ARID5B: variants seen among roughly 807,000 people sequenced by gnomAD.
ARID5B encodes AT-rich interactive domain-containing protein 5B.
ARID5B carries 13 observed loss-of-function variants against 97.2 expected under a neutral mutation model. The observed-to-expected ratio is 0.13, with a 90% CI of 0.09 to 0.21. The LOEUF is 0.21. Ranked by LOEUF, ARID5B falls within the 10% of genes least tolerant of loss-of-function variation. ARID5B has a pLI of 1.00. For synonymous variants in ARID5B, 556 were observed against 570.3 expected, an observed-to-expected ratio of 0.97 and a Z score of 0.36; for missense variants, 1,210 against 1,465.3, an observed-to-expected ratio of 0.83 and a Z score of 2.84.
At chr10:61,925,966 C>T (rs1189771039) in intron 2 of ARID5B, among the ~76,000 whole-genome samples, 3 of 152,088 alleles carry the variant, frequency 2.0e-5, no homozygotes, top group Non-Finnish European at 4.4e-5. Context: ...GAGCCACAGG[C>T]GTCAAAGATC....
intron 4 of ARID5B, among the ~76,000 whole-genome samples, chr10:62,004,044 C>A (rs1224626633): frequency 1.3e-5 from 2 of 152,076 alleles, no homozygotes; most frequent in African/African-American, 2.4e-5. Context: ...TCCAACATTA[C>A]AGTAGTGTCA....
At position 62,051,382 on chromosome 10, in the gene ARID5B, C is replaced by T. The variant is rs763142162; in HGVS notation, c.846+382C>T. 2.6e-5 allele frequency among the ~76,000 whole-genome samples: 4 copies of T among 152,118 alleles called. No homozygotes were observed. The East Asian group carries it at 7.7e-4, about 29-fold the overall frequency. On this transcript the variant is annotated intron_variant, in intron 5 of 9. Transcript: ENST00000279873. The stretch of plus-strand genomic sequence containing the variant: ...GAACCGTCCTCTTTCTGAATGTGTT[C>T]ATCTAAATGTGTTTTGGAGATTAAC...
At chr10:61,922,814 C>T (rs1844041273) in intron 2 of ARID5B, among the ~76,000 whole-genome samples, 3 of 152,304 alleles carry the variant, frequency 2.0e-5, no homozygotes, top group South Asian at 4.1e-4. Context: ...GGTCTGCCAT[C>T]TTTTAAATTC....
chr10:62,024,315 A>T (rs1334400391), intron 4 of ARID5B, among the ~76,000 whole-genome samples: 1 of 152,006 alleles, frequency 6.6e-6, no homozygotes, highest in Non-Finnish European at 1.5e-5. Context: ...AACTTAAGAG[A>T]CTCCTAATTT....
intron 2 of ARID5B, among the ~76,000 whole-genome samples, chr10:61,933,271 A>T (rs2132786548): frequency 6.6e-6 from 1 of 152,258 alleles, no homozygotes; most frequent in African/African-American, 2.4e-5. Context: ...TATTGTTTCC[A>T]CCACCTCTGC....
chr10:61,973,014 C>T (rs1473982981), intron 3 of ARID5B, among the ~76,000 whole-genome samples: 2 of 152,108 alleles, frequency 1.3e-5, no homozygotes, highest in Admixed American at 1.3e-4. Context: ...GTTTCTATAT[C>T]CAGAATTCTA....
chr10:62,094,648 A>G lies in ARID5B; in HGVS notation c.*1618A>G, dbSNP rs2393726. The G allele has an allele frequency of 0.045, 10,311 of 230,870 alleles. 941 individuals carry two copies. Among genetic ancestry groups the G allele is most frequent in the Admixed American group, 0.22 (3,959 of 17,696 alleles). The allele number at this position is 230,870 out of a possible 1,614,324, so 14.3% of individuals were successfully genotyped here. A position where few individuals can be genotyped will look rare whatever the true frequency, so the allele number is the denominator to read the frequency against. On this transcript the variant is annotated 3_prime_UTR_variant, in exon 10 of 10. Coordinates refer to ENST00000279873, the MANE Select transcript of ARID5B (RefSeq NM_032199.3). Reference sequence around the variant, plus strand: ...ACTGTATTCCATTTGCTACCGAGATATAACATTAAGGTGGACACATTTTCT... The same window carrying G: ...ACTGTATTCCATTTGCTACCGAGATGTAACATTAAGGTGGACACATTTTCT...
intron 4 of ARID5B, among the ~76,000 whole-genome samples, chr10:62,008,260 C>A (rs978092700): frequency 6.6e-6 from 1 of 152,170 alleles, no homozygotes; most frequent in Non-Finnish European, 1.5e-5. Context: ...TCATTGCTAT[C>A]CCCTGTTTCA....
intron 7 of ARID5B, among the ~76,000 whole-genome samples, chr10:62,059,841 C>T (rs1393527969): frequency 6.6e-6 from 1 of 152,148 alleles, no homozygotes; most frequent in Non-Finnish European, 1.5e-5. Flanking sequence ...CTAATTCTAA[C>T]TGACAGCAAT....
rs1844408743 is a variant in ARID5B, at chr10:61,941,442, C to A, written c.502+1034C>A. On this transcript the variant is annotated intron_variant, in intron 3 of 9. Transcript: ENST00000279873. ...GGAACTGCACTTTAACATATTAAGGCATCTTTTTCTTTCATTTGCGCACAA... is the reference window on the plus strand; with the variant it reads ...GGAACTGCACTTTAACATATTAAGGAATCTTTTTCTTTCATTTGCGCACAA... Among the ~76,000 whole-genome samples, 6 of 151,630 alleles carry A rather than the reference C, an allele frequency of 4.0e-5. No homozygotes were observed. The South Asian group carries it at 1.2e-3, about 31-fold the overall frequency.
intron 2 of ARID5B, among the ~76,000 whole-genome samples, chr10:61,931,668 A>C (rs543737325): frequency 6.6e-6 from 1 of 152,254 alleles, no homozygotes; most frequent in Non-Finnish European, 1.5e-5. Context: ...CCAAATGGGC[A>C]GAAGACTTAA....
intron 9 of ARID5B, among the ~76,000 whole-genome samples, chr10:62,086,256 C>A (rs1840278466): frequency 6.6e-6 from 1 of 152,218 alleles, no homozygotes; most frequent in African/African-American, 2.4e-5. Context: ...TTCTTGGCCG[C>A]TCCACAGCCC....
chr10:61,979,152 C>T (rs974666758), intron 3 of ARID5B, among the ~76,000 whole-genome samples: 2 of 152,186 alleles, frequency 1.3e-5, no homozygotes, highest in African/African-American at 2.4e-5. Flanking sequence ...AGGTGCTGCA[C>T]CCAAACCTCT....
Position 62,093,678 on chromosome 10 carries a change from T to TA in ARID5B, c.*649dup. The TA allele has an allele frequency of 5.8e-6, 1 of 172,584 alleles. No individual in the cohort carries two copies. Among genetic ancestry groups the TA allele is most frequent in the East Asian group, 6.7e-5 (1 of 14,884 alleles). The allele number at this position is 172,584 out of a possible 1,614,324, so 10.7% of individuals were successfully genotyped here. On this transcript the variant is annotated 3_prime_UTR_variant, in exon 10 of 10. Coordinates refer to ENST00000279873, the MANE Select transcript of ARID5B (RefSeq NM_032199.3). ...TTTTTTTTTTTTTTTTTTTTTTTTT[T>TA]ATTAAATGGTATTGCTTTTGTTTGC... is the stretch of plus-strand genomic sequence containing the variant.
chr10:61,925,447 T>TAA (rs969655412), intron 2 of ARID5B, among the ~76,000 whole-genome samples: 1 of 149,010 alleles, frequency 6.7e-6, no homozygotes, highest in African/African-American at 2.5e-5. Flanking sequence ...TGAAAGGAGT[T>TAA]AAAAAAAAAA....
chr10:62,050,781 A>G, intron 4 of ARID5B, 107 bp from the exon 5 acceptor site: 2 of 942,410 alleles, frequency 2.1e-6, no homozygotes, highest in Non-Finnish European at 3.3e-6. Flanking sequence ...AGATCTGTAC[A>G]TTTCTCTGAA....
At chr10:61,934,550 C>A (rs189849417) in intron 2 of ARID5B, among the ~76,000 whole-genome samples, 1 of 152,128 alleles carries the variant, frequency 6.6e-6, no homozygotes, top group East Asian at 1.9e-4. Flanking sequence ...TATTAATTAG[C>A]CCATTATTGT....
chr10:62,001,334 C>A (rs542614650), intron 4 of ARID5B, among the ~76,000 whole-genome samples: 1 of 152,150 alleles, frequency 6.6e-6, no homozygotes, highest in Non-Finnish European at 1.5e-5. Context: ...GATGGCTGAG[C>A]CCTGCTGAAT....
chr10:62,073,571 C>T (rs1407944319), intron 8 of ARID5B, among the ~76,000 whole-genome samples: 1 of 152,192 alleles, frequency 6.6e-6, no homozygotes, highest in Admixed American at 6.5e-5. Flanking sequence ...GGTCCAAGCA[C>T]TTCATAAAAA....
Sources: gnomAD v4.1 joint callset for allele counts (sites outside exome capture counted in the v4.1 genomes callset) on GRCh38, gnomAD v4.1.1 for gene constraint, MANE v1.5 for transcripts, NCBI Gene and HGNC (gene_info 2026-07-23, HGNC 2026-07-21) for gene names.